Variants in SAE1 observed in about 807,000 individuals in gnomAD.
SAE1 encodes the protein SUMO-activating enzyme subunit 1.
A neutral mutation model predicts 40.6 loss-of-function variants in SAE1; 11 were observed. The observed-to-expected ratio is 0.27, with a 90% CI of 0.17 to 0.45. The LOEUF is 0.45. SAE1 is among the 20% of genes least tolerant of loss of function. The pLI, the probability that SAE1 is intolerant of heterozygous loss-of-function variation, is 1.00. For missense variants in SAE1, 373 were observed against 427.3 expected (o/e 0.87, Z 1.12); for synonymous variants, 155 against 154.3 (o/e 1.00, Z -0.03).
intron 2 of SAE1, 105 bp downstream of exon 2, chr19:47,143,710 G>A (rs2058237459): frequency 6.2e-6 from 5 of 805,724 alleles, no homozygotes; most frequent in Non-Finnish European, 1.1e-5. Context: ...GCTGTGAAAG[G>A]AGGGCTAACA....
intron 8 of SAE1, among the ~76,000 whole-genome samples, chr19:47,205,122 G>A (rs1268413835): frequency 6.6e-6 from 1 of 152,106 alleles, no homozygotes; most frequent in Non-Finnish European, 1.5e-5. Flanking sequence ...CTGCCTTCGT[G>A]GACTCCGGTG....
At chr19:47,169,263 T>C (rs2058415615) in intron 5 of SAE1, among the ~76,000 whole-genome samples, 2 of 152,158 alleles carry the variant, frequency 1.3e-5, no homozygotes, top group Non-Finnish European at 2.9e-5. Context: ...TTTGGTTTTT[T>C]TGAGGAGTCT....
At chr19:47,192,427 T>G (rs1156320543) in intron 6 of SAE1, among the ~76,000 whole-genome samples, 1 of 152,050 alleles carries the variant, frequency 6.6e-6, no homozygotes, top group Non-Finnish European at 1.5e-5. Flanking sequence ...TTTTGTATTT[T>G]TAATAGAGAT....
intron 5 of SAE1, among the ~76,000 whole-genome samples, chr19:47,166,957 CT>C (rs893537250): frequency 3.5e-4 from 52 of 146,860 alleles, no homozygotes; most frequent in Middle Eastern, 3.6e-3. Flanking sequence ...GCAATTTGAA[CT>C]TTTTTTTTTT....
chr19:47,144,028 ATG>A (rs1383968471), intron 2 of SAE1, among the ~76,000 whole-genome samples: 1 of 152,162 alleles, frequency 6.6e-6, no homozygotes, highest in Non-Finnish European at 1.5e-5. Context: ...GCTCAGGAGT[ATG>A]TGCATTTAAA....
At chr19:47,152,762 A>G (rs1024622292) in intron 3 of SAE1, 136 bp from the exon 4 acceptor site, 1 of 756,114 alleles carries the variant, frequency 1.3e-6, no homozygotes, top group African/African-American at 1.8e-5. Flanking sequence ...CATAGGGCCC[A>G]AAGAACCTGT....
At chr19:47,167,466 T>C (rs1600177827) in intron 5 of SAE1, among the ~76,000 whole-genome samples, 2 of 149,384 alleles carry the variant, frequency 1.3e-5, no homozygotes, top group Non-Finnish European at 3.0e-5. Flanking sequence ...GGTCTCGATC[T>C]CCTGACCTTG....
At chr19:47,154,359 A>T (rs892986134) in intron 4 of SAE1, among the ~76,000 whole-genome samples, 1 of 151,450 alleles carries the variant, frequency 6.6e-6, no homozygotes, top group Non-Finnish European at 1.5e-5. Context: ...ACAAAGTACT[A>T]GGATTACAGC....
rs1002431130 is a variant in SAE1, at chr19:47,193,837, AAAAG to A, written c.734-3388_734-3385del. The stretch of plus-strand genomic sequence containing the variant: ...AGCAAGATTGTCTCAAAAAAAAAAA[AAAAG>A]AAAGAAAAGAAAAAGAAAAAGAAAT... On this transcript the variant is annotated intron_variant, in intron 6 of 8. Coordinates refer to ENST00000270225, the MANE Select transcript of SAE1 (RefSeq NM_005500.3). 3.6e-3 allele frequency among the ~76,000 whole-genome samples: 503 copies of A among 140,902 alleles called. 3 individuals carry two copies. Among genetic ancestry groups the A allele is most frequent in the African/African-American group, 0.013 (462 of 36,924 alleles). 92.4% of individuals were successfully genotyped at this position (140,902 alleles called of 152,430 possible).
intron 2 of SAE1, among the ~76,000 whole-genome samples, chr19:47,148,041 T>G (rs1339683951): frequency 1.3e-5 from 2 of 152,094 alleles, no homozygotes; most frequent in African/African-American, 2.4e-5. Context: ...ATTACAGGCG[T>G]GAGCCACCAC....
At chr19:47,202,492 G>A (rs1259068491) in intron 7 of SAE1, among the ~76,000 whole-genome samples, 1 of 151,392 alleles carries the variant, frequency 6.6e-6, no homozygotes, top group Non-Finnish European at 1.5e-5. Flanking sequence ...TTCACCATGT[G>A]GGCCAGGATG....
chr19:47,143,476 A>C lies in SAE1; in HGVS notation c.99-18A>C, dbSNP rs1203464506. 6.3e-7 allele frequency: 1 copy of C among 1,589,102 alleles called. No homozygotes were observed. Among genetic ancestry groups the C allele is most frequent in the South Asian group, 1.1e-5 (1 of 90,546 alleles). On this transcript the variant is annotated intron_variant, in intron 1 of 8. Coordinates refer to ENST00000270225, the MANE Select transcript of SAE1 (RefSeq NM_005500.3). ...CTCACTGTTCTGTATCATCAGGTTA[A>C]CAATGTTTGTCTTACAGGCTGCGGG... is the stretch of plus-strand genomic sequence containing the variant.
intron 6 of SAE1, among the ~76,000 whole-genome samples, chr19:47,194,505 C>G (rs886649647): frequency 6.6e-6 from 1 of 152,148 alleles, no homozygotes; most frequent in Admixed American, 6.5e-5. Flanking sequence ...TGTAAAGCCC[C>G]CTCTCCAGGT....
chr19:47,191,649 T>C (rs2058578521), intron 6 of SAE1, among the ~76,000 whole-genome samples: 1 of 152,222 alleles, frequency 6.6e-6, no homozygotes, highest in Non-Finnish European at 1.5e-5. Flanking sequence ...TGCGATCTTA[T>C]TTCTTTGTTA....
chr19:47,203,559 C>G, intron 7 of SAE1, 112 bp from the exon 8 acceptor site: 1 of 875,810 alleles, frequency 1.1e-6, no homozygotes, highest in Non-Finnish European at 1.9e-6. Flanking sequence ...GAATCGGGCC[C>G]TCCTGCTAGA....
At chr19:47,197,010 G>A (rs561158308) in intron 6 of SAE1, among the ~76,000 whole-genome samples, 3 of 152,036 alleles carry the variant, frequency 2.0e-5, no homozygotes, top group Admixed American at 6.6e-5. Flanking sequence ...GTGAAAACCC[G>A]TCTCTACTAA....
rs537494642 is a variant in SAE1 at position 47,208,363 on chromosome 19, G to T, written c.949-796G>T. On this transcript the variant is annotated intron_variant, in intron 8 of 8. Transcript: ENST00000270225. ...CAGCCTCAATGTCCCAGGCTCAAGC[G>T]ATCCTCCCACCTCAGCCTCCCGAGT... Among the ~76,000 whole-genome samples the T allele has an allele frequency of 4.6e-5, 7 of 152,126 alleles. 1 individual carries two copies. The South Asian group carries it at 1.5e-3, about 32-fold the overall frequency.
At chr19:47,173,654 C>G (rs1330293808) in intron 6 of SAE1, among the ~76,000 whole-genome samples, 2 of 152,236 alleles carry the variant, frequency 1.3e-5, no homozygotes, top group Non-Finnish European at 2.9e-5. Context: ...TCACTAGATG[C>G]CAGTAATATC....
intron 6 of SAE1, among the ~76,000 whole-genome samples, chr19:47,180,959 G>A (rs1008531880): frequency 1.4e-4 from 22 of 152,112 alleles, no homozygotes; most frequent in African/African-American, 5.1e-4. Flanking sequence ...TGTAACCCTG[G>A]GTTGGATCTG....
Sources: allele counts gnomAD v4.1 joint callset (sites outside exome capture counted in the v4.1 genomes callset), GRCh38; gene constraint gnomAD v4.1.1; transcripts MANE v1.5; gene names NCBI Gene and HGNC (gene_info 2026-07-23, HGNC 2026-07-21).